MAGI3: variants seen among roughly 807,000 people sequenced by gnomAD.
MAGI3 encodes membrane associated guanylate kinase, WW and PDZ domain containing 3, also known as membrane-associated guanylate kinase, WW and PDZ domain-containing protein 3.
Under a neutral mutation model 121.8 loss-of-function variants are expected in MAGI3, and 43 were observed. That is an observed-to-expected ratio of 0.35 (90% CI 0.28 to 0.46). The LOEUF is 0.46. MAGI3 is among the 20% of genes least tolerant of loss of function. MAGI3 has a pLI of 1.00. For synonymous variants in MAGI3, 553 were observed against 639.3 expected (o/e 0.86, Z 2.04); for missense variants, 1,547 against 1,797.3 (o/e 0.86, Z 2.52).
chr1:113,637,979 T>C (rs1003363204), intron 9 of MAGI3, among the ~76,000 whole-genome samples: 2 of 152,206 alleles, frequency 1.3e-5, no homozygotes, highest in African/African-American at 4.8e-5. Context: ...TTTCATTCAT[T>C]TCATCTTCCA....
chr1:113,436,159 G>A (rs1219159050), intron 1 of MAGI3, among the ~76,000 whole-genome samples: 3 of 151,916 alleles, frequency 2.0e-5, no homozygotes, highest in Admixed American at 1.3e-4. Flanking sequence ...ACAGATATAG[G>A]GATGTTATAA....
intron 5 of MAGI3, among the ~76,000 whole-genome samples, chr1:113,593,819 G>T (rs1648837129): frequency 6.6e-6 from 1 of 152,024 alleles, no homozygotes; most frequent in African/African-American, 2.4e-5. Flanking sequence ...ATGAAGCAGG[G>T]GCAGGATATT....
intron 1 of MAGI3, among the ~76,000 whole-genome samples, chr1:113,456,220 C>A (rs1045079386): frequency 6.6e-6 from 1 of 151,476 alleles, no homozygotes; most frequent in South Asian, 2.1e-4. Context: ...CCACCTCAGC[C>A]TCCCAAAGTG....
intron 1 of MAGI3, among the ~76,000 whole-genome samples, chr1:113,531,724 C>G (rs927252722): frequency 3.3e-5 from 4 of 121,322 alleles, no homozygotes; most frequent in Admixed American, 8.6e-5. Flanking sequence ...GGGTGGGGGT[C>G]GGGTGGGGGG....
chr1:113,682,856 T>C, intron 20 of MAGI3, 41 bp from the exon 21 acceptor site: 6 of 1,502,026 alleles, frequency 4.0e-6, no homozygotes, highest in Non-Finnish European at 5.3e-6. Flanking sequence ...CTATTTGTAA[T>C]TCTAAAATTT....
chr1:113,675,511 G>A (rs1647816065), intron 19 of MAGI3, among the ~76,000 whole-genome samples: 2 of 152,202 alleles, frequency 1.3e-5, no homozygotes, highest in Non-Finnish European at 2.9e-5. Context: ...TAGTAGAGCA[G>A]GTGTAAATGT....
rs992071909 is a variant in MAGI3, at chr1:113,684,930, TTAATACA to T, written c.*926_*932del. The T allele has an allele frequency of 6.6e-6, 1 of 152,388 alleles. No homozygotes were observed. The highest frequency in any genetic ancestry group is 1.5e-5 in the Non-Finnish European group (1 of 68,056). 9.4% of individuals were successfully genotyped at this position (152,388 alleles called of 1,614,324 possible). ...TACCTACTACTAAAGTCATTAGTCT[TTAATACA>T]TAATACATATTTGAAAAGTAAACAT... On this transcript the variant is annotated 3_prime_UTR_variant, in exon 21 of 21. Transcript: ENST00000307546.
chr1:113,525,377 T>G (rs1485385668), intron 1 of MAGI3, among the ~76,000 whole-genome samples: 1 of 152,158 alleles, frequency 6.6e-6, no homozygotes, highest in African/African-American at 2.4e-5. Context: ...TTTTCCTGTC[T>G]TCTTGTGACT....
At position 113,391,074 on chromosome 1, in the gene MAGI3, A is replaced by G. The variant is rs757195745; in HGVS notation, c.41A>G (p.Lys14Arg). The change falls in exon 1 of 21, where the codon AAG becomes AGG. Residue 14 changes from lysine (K) to arginine (R), a missense_variant. By Grantham distance (26) the Lys-to-Arg change is conservative. Coordinates refer to ENST00000307546, the MANE Select transcript of MAGI3 (RefSeq NM_001142782.2). This position sits in a 1 kb window ranked among gnomAD's most constrained non-coding sequence, Gnocchi z 4.4. ...TLKKKKHWLS[K>R]VQECAVSWAG... ...AAGAAGAAGAAGCACTGGCTCAGCA[A>G]GGTGCAGGAGTGCGCCGTGTCCTGG... 5.7e-6 allele frequency: 9 copies of G among 1,591,132 alleles called. No individual in the cohort carries two copies. In the South Asian group the frequency reaches 8.0e-5, roughly 14 times the overall value.
intron 1 of MAGI3, among the ~76,000 whole-genome samples, chr1:113,468,501 G>A (rs1281573851): frequency 2.0e-5 from 3 of 152,096 alleles, no homozygotes; most frequent in African/African-American, 7.2e-5. Flanking sequence ...AATGTAAGTA[G>A]CCACACGTGA....
At position 113,416,388 on chromosome 1, in the gene MAGI3, A is replaced by G. The variant is rs1358748043; in HGVS notation, c.316+25039A>G. On this transcript the variant is annotated intron_variant, in intron 1 of 20. Coordinates refer to ENST00000307546, the MANE Select transcript of MAGI3 (RefSeq NM_001142782.2). The stretch of plus-strand genomic sequence containing the variant: ...TATTATATTAATATATTAATAATAT[A>G]TATTAATTATTAATTAATTAATAAT... 3.0e-3 allele frequency among the ~76,000 whole-genome samples: 195 copies of G among 64,854 alleles called. 4 individuals are homozygous for G. The highest frequency in any genetic ancestry group is 4.1e-3 in the Non-Finnish European group (135 of 32,880). 42.5% of individuals were successfully genotyped at this position (64,854 alleles called of 152,430 possible).
chr1:113,640,404 C>A (rs1652379859), intron 9 of MAGI3, among the ~76,000 whole-genome samples: 2 of 152,146 alleles, frequency 1.3e-5, no homozygotes, highest in African/African-American at 4.8e-5. Flanking sequence ...GAATATAAAT[C>A]ATTCTACTAT....
At chr1:113,413,239 A>C (rs1209971459) in intron 1 of MAGI3, among the ~76,000 whole-genome samples, 1 of 151,900 alleles carries the variant, frequency 6.6e-6, no homozygotes, top group Non-Finnish European at 1.5e-5. Flanking sequence ...TGGCCTATAT[A>C]TCTGTTTTGG....
intron 9 of MAGI3, among the ~76,000 whole-genome samples, chr1:113,628,009 C>T (rs1318568942): frequency 6.6e-6 from 1 of 151,868 alleles, no homozygotes; most frequent in Non-Finnish European, 1.5e-5. Context: ...GAGTTTAGTC[C>T]ATATGGATTG....
chr1:113,493,203 A>G (rs1189526957), intron 1 of MAGI3, among the ~76,000 whole-genome samples: 2 of 152,200 alleles, frequency 1.3e-5, no homozygotes, highest in East Asian at 1.9e-4. Context: ...AGATAGACCA[A>G]TGGAATGGAT....
At chr1:113,433,073 GA>G (rs1653386906) in intron 1 of MAGI3, among the ~76,000 whole-genome samples, 1 of 152,092 alleles carries the variant, frequency 6.6e-6, no homozygotes, top group South Asian at 2.1e-4. Flanking sequence ...GGTGGTCATA[GA>G]ATGGTATATG....
At chr1:113,664,753 G>T (rs976029021) in intron 16 of MAGI3, among the ~76,000 whole-genome samples, 1 of 152,162 alleles carries the variant, frequency 6.6e-6, no homozygotes, top group East Asian at 1.9e-4. Context: ...AAGCATGAAG[G>T]TGTTGTCTTA....
intron 1 of MAGI3, among the ~76,000 whole-genome samples, chr1:113,440,218 A>G (rs955609156): frequency 2.6e-5 from 4 of 152,194 alleles, no homozygotes; most frequent in Non-Finnish European, 5.9e-5. Flanking sequence ...TGCTAGTTGT[A>G]TCTTATCTGA....
At chr1:113,448,351 T>C (rs1445668004) in intron 1 of MAGI3, among the ~76,000 whole-genome samples, 6 of 152,224 alleles carry the variant, frequency 3.9e-5, no homozygotes, top group African/African-American at 1.4e-4. Flanking sequence ...CTAATAAAGA[T>C]CCTTTCTTCA....
Sources: allele counts gnomAD v4.1 joint callset (sites outside exome capture counted in the v4.1 genomes callset), GRCh38; gene constraint gnomAD v4.1.1; non-coding constraint Gnocchi (gnomAD v3.1); transcripts MANE v1.5; gene names NCBI Gene and HGNC (gene_info 2026-07-23, HGNC 2026-07-21).